Variants in NFATC3 observed in about 807,000 individuals in gnomAD.
NFATC3 encodes nuclear factor of activated T-cells, cytoplasmic 3.
A neutral mutation model predicts 98.6 loss-of-function variants in NFATC3; 46 were observed. The ratio of observed to expected loss-of-function variants is 0.47; its 90% confidence interval spans 0.37 to 0.60. The LOEUF (loss-of-function observed/expected upper bound fraction) is 0.60. Ranked by LOEUF, NFATC3 falls within the 20% of genes least tolerant of loss-of-function variation. The probability of loss-of-function intolerance (pLI) is 0.00; values close to 1 mark genes in which losing one functional copy is unlikely to be tolerated. For synonymous variants in NFATC3, 512 were observed against 472.2 expected, an observed-to-expected ratio of 1.08 and a Z score of -1.09; for missense variants, 1,256 against 1,295.5, an observed-to-expected ratio of 0.97 and a Z score of 0.47.
chr16:68,114,979 AAT>A (rs2036195188), intron 1 of NFATC3, among the ~76,000 whole-genome samples: 1 of 152,172 alleles, frequency 6.6e-6, no homozygotes, highest in Non-Finnish European at 1.5e-5. Context: ...CTGAAAGGCT[AAT>A]AGTCTTGTAA....
chr16:68,207,656 G>A (rs1046450874), intron 9 of NFATC3, among the ~76,000 whole-genome samples: 1 of 152,078 alleles, frequency 6.6e-6, no homozygotes, highest in African/African-American at 2.4e-5. Context: ...TAAAAACGGG[G>A]TTTCACCATG....
chr16:68,190,961 G>A lies in NFATC3; in HGVS notation c.2292G>A (p.Leu764=). ...TYASMVTSSH[L]PQLQCRDESV... Reference sequence around the variant, plus strand: ...CATCCATGGTGACCTCATCCCATCTGCCACAGTTGCAGTGTAGAGATGAGA... The same window carrying A: ...CATCCATGGTGACCTCATCCCATCTACCACAGTTGCAGTGTAGAGATGAGA... Residue 764 remains leucine (L), a synonymous_variant, in exon 9 of 10, where the codon CTG becomes CTA. Transcript: ENST00000346183. 6.2e-7 allele frequency: 1 copy of A among 1,614,218 alleles called. No individual in the cohort carries two copies. The highest frequency in any genetic ancestry group is 8.5e-7 in the Non-Finnish European group (1 of 1,180,032).
intron 1 of NFATC3, among the ~76,000 whole-genome samples, chr16:68,104,713 G>A (rs28886128): frequency 0.038 from 5,659 of 147,966 alleles, 322 homozygotes; most frequent in African/African-American, 0.13. Flanking sequence ...GTGCAGTGGC[G>A]CGATCTCTGC....
intron 1 of NFATC3, among the ~76,000 whole-genome samples, chr16:68,103,935 G>C (rs2035505087): frequency 6.6e-6 from 1 of 152,118 alleles, no homozygotes; most frequent in Admixed American, 6.5e-5. Flanking sequence ...ACACTGTTTT[G>C]ATTGCTGTGC....
chr16:68,197,364 T>A (rs2040721070), intron 9 of NFATC3, among the ~76,000 whole-genome samples: 1 of 152,238 alleles, frequency 6.6e-6, no homozygotes, highest in African/African-American at 2.4e-5. Context: ...GCTCACTGCA[T>A]CCTCAACTTC....
chr16:68,137,422 C>T (rs920207071), intron 3 of NFATC3, among the ~76,000 whole-genome samples: 3 of 152,064 alleles, frequency 2.0e-5, no homozygotes, highest in Admixed American at 6.6e-5. Context: ...CCATTATATA[C>T]GGTCTGTCAT....
At chr16:68,196,723 G>A (rs1422110822) in intron 9 of NFATC3, among the ~76,000 whole-genome samples, 3 of 151,874 alleles carry the variant, frequency 2.0e-5, no homozygotes, top group Non-Finnish European at 4.4e-5. Flanking sequence ...AACTTTTAAT[G>A]TAAATCCATA....
intron 4 of NFATC3, among the ~76,000 whole-genome samples, chr16:68,165,691 C>T (rs775165037): frequency 1.3e-5 from 2 of 152,084 alleles, no homozygotes; most frequent in Admixed American, 6.6e-5. Flanking sequence ...CTACTGCACC[C>T]GGCCGGTTCT....
intron 3 of NFATC3, 35 bp downstream of exon 3, chr16:68,126,645 A>G (rs1567511072): frequency 3.7e-6 from 6 of 1,608,054 alleles, no homozygotes; most frequent in Non-Finnish European, 5.1e-6. Flanking sequence ...TGCAGATACC[A>G]TACACCTAGT....
Position 68,146,442 on chromosome 16 carries a change from A to G in NFATC3, c.1402-11427A>G, listed in dbSNP as rs531185479. Among the ~76,000 whole-genome samples the G allele has an allele frequency of 5.9e-5, 9 of 152,150 alleles. No homozygotes were observed. The South Asian group carries it at 1.7e-3, about 28-fold the overall frequency. ...AAAAAGGATTTTTTTTAAAAAGCTTATATATTATACAGTGGTAAGTTTTAT... is the reference window on the plus strand; with the variant it reads ...AAAAAGGATTTTTTTTAAAAAGCTTGTATATTATACAGTGGTAAGTTTTAT... On this transcript the variant is annotated intron_variant, in intron 3 of 9. Coordinates refer to ENST00000346183, the MANE Select transcript of NFATC3 (RefSeq NM_173165.3).
chr16:68,095,165 A>C (rs1333043823), intron 1 of NFATC3, among the ~76,000 whole-genome samples: 3 of 152,076 alleles, frequency 2.0e-5, no homozygotes, highest in East Asian at 3.9e-4. Context: ...TGTGCTTACT[A>C]TCCACAGTAT....
intron 1 of NFATC3, among the ~76,000 whole-genome samples, chr16:68,097,433 A>G (rs1478178167): frequency 6.6e-6 from 1 of 152,262 alleles, no homozygotes; most frequent in Non-Finnish European, 1.5e-5. Context: ...AATTGGAAAT[A>G]TAAGTGTAGA....
At chr16:68,205,477 C>T (rs1479270148) in intron 9 of NFATC3, among the ~76,000 whole-genome samples, 1 of 152,082 alleles carries the variant, frequency 6.6e-6, no homozygotes, top group Non-Finnish European at 1.5e-5. Flanking sequence ...TCTCGGCCTC[C>T]CAAAGTGCTA....
At chr16:68,179,976 TCCCAAGAAAGCTTCCCCGCCTGCAC>T (rs2039885385) in intron 6 of NFATC3, among the ~76,000 whole-genome samples, 1 of 152,142 alleles carries the variant, frequency 6.6e-6, no homozygotes, top group African/African-American at 2.4e-5. Flanking sequence ...CATATGGTGC[TCCCAAGAAAGCTTCCCCGCCTGCAC>T]CCCAAGAAAG....
In NFATC3 at chr16:68,101,915, G is replaced by A. The variant is rs545779759; in HGVS notation, c.103+16131G>A. 1.3e-4 allele frequency among the ~76,000 whole-genome samples: 20 copies of A among 152,268 alleles called. No individual in the cohort carries two copies. In the South Asian group the frequency reaches 3.7e-3, roughly 28 times the overall value. On this transcript the variant is annotated intron_variant, in intron 1 of 9. Coordinates refer to ENST00000346183, the MANE Select transcript of NFATC3 (RefSeq NM_173165.3). ...ATCTGGATTAGTGGATACCTAGCATGTTGTACATCTGTCATTGTGAGACCT... is the reference window on the plus strand; with the variant it reads ...ATCTGGATTAGTGGATACCTAGCATATTGTACATCTGTCATTGTGAGACCT...
At chr16:68,104,724 T>C (rs1009020332) in intron 1 of NFATC3, among the ~76,000 whole-genome samples, 4 of 150,406 alleles carry the variant, frequency 2.7e-5, no homozygotes, top group African/African-American at 9.9e-5. Context: ...CGATCTCTGC[T>C]CACTGCAAGC....
At chr16:68,222,530 G>T (rs1028763444) in intron 9 of NFATC3, among the ~76,000 whole-genome samples, 1 of 152,076 alleles carries the variant, frequency 6.6e-6, no homozygotes, top group Non-Finnish European at 1.5e-5. Flanking sequence ...TGTGAGCCAG[G>T]TGCTTGCTTA....
chr16:68,151,789 T>C (rs113322566), intron 3 of NFATC3, among the ~76,000 whole-genome samples: 1,994 of 152,128 alleles, frequency 0.013, 42 homozygotes, highest in African/African-American at 0.045. Context: ...CCATTCTAAG[T>C]CGGGCACAGT....
intron 1 of NFATC3, among the ~76,000 whole-genome samples, chr16:68,102,558 A>G (rs985609465): frequency 1.3e-5 from 2 of 151,780 alleles, no homozygotes; most frequent in Non-Finnish European, 2.9e-5. Flanking sequence ...TTGATTCTTC[A>G]TGTGTAACCT....
Sources: allele counts gnomAD v4.1 joint callset (sites outside exome capture counted in the v4.1 genomes callset), GRCh38; gene constraint gnomAD v4.1.1; transcripts MANE v1.5; gene names NCBI Gene and HGNC (gene_info 2026-07-23, HGNC 2026-07-21).